The following ABCA5 variants were observed in gnomAD, a reference collection of about 807,000 sequenced individuals.
ABCA5 encodes the protein cholesterol transporter ABCA5.
Under a neutral mutation model 206.0 loss-of-function variants are expected in ABCA5, and 163 were observed. The ratio of observed to expected loss-of-function variants is 0.79; its 90% confidence interval spans 0.70 to 0.90. ABCA5 has a LOEUF of 0.90. Ranked by LOEUF, ABCA5 falls within the 40% of genes least tolerant of loss-of-function variation. The pLI, the probability that ABCA5 is intolerant of heterozygous loss-of-function variation, is 0.00. For synonymous variants in ABCA5, 609 were observed against 613.8 expected, an observed-to-expected ratio of 0.99 and a Z score of 0.11; for missense variants, 1,859 against 1,912.9, an observed-to-expected ratio of 0.97 and a Z score of 0.53.
chr17:69,299,215 G>T (rs763944949), intron 9 of ABCA5, among the ~76,000 whole-genome samples: 45 of 152,216 alleles, frequency 3.0e-4, no homozygotes, highest in Non-Finnish European at 5.7e-4. Context: ...CACTGTTGGT[G>T]GGAATGTAAA....
In ABCA5 at chr17:69,270,613, T is replaced by C. The variant is rs2075261678; in HGVS notation, c.3030A>G (p.Gln1010=). 1 of 1,585,990 alleles carries C rather than the reference T, an allele frequency of 6.3e-7. No individual in the cohort carries two copies. Among genetic ancestry groups the C allele is most frequent in the East Asian group, 2.3e-5 (1 of 43,636 alleles). ...TTTATCTGTATATACATTGGCTTAC[T>C]TGAAAGAATGGGGTACTCCAGATCT... ...TIQIWSTPFF[Q]EITDIVFKIE... Residue 1010 remains glutamine (Q), a splice_region_variant and synonymous_variant, in exon 22 of 39, where the codon CAA becomes CAG. Transcript: ENST00000392676.
chr17:69,259,540 T>C (rs2075122089), intron 28 of ABCA5, among the ~76,000 whole-genome samples, 166 bp downstream of exon 28: 1 of 151,998 alleles, frequency 6.6e-6, no homozygotes, highest in Admixed American at 6.6e-5. Context: ...GATTAGTGGT[T>C]ACCTAAGACT....
Position 69,314,308 on chromosome 17 carries a change from A to G in ABCA5, c.102+6T>C. ...AAAAAGCATAAGAAAGAGTTATTTA[A>G]CTTACCTGAACACTACTCTTTTTGG... On this transcript the variant is annotated splice_donor_region_variant and intron_variant, in intron 2 of 38. Coordinates refer to ENST00000392676, the MANE Select transcript of ABCA5 (RefSeq NM_172232.4). The G allele has an allele frequency of 6.3e-7, 1 of 1,589,188 alleles. No homozygotes were observed. The highest frequency in any genetic ancestry group is 2.2e-5 in the East Asian group (1 of 44,502).
At chr17:69,297,065 A>C in intron 10 of ABCA5, 126 bp downstream of exon 10, 3 of 885,964 alleles carry the variant, frequency 3.4e-6, no homozygotes, top group Non-Finnish European at 5.0e-6. Flanking sequence ...AGCCCTTATT[A>C]ATGTTTTAAA....
At chr17:69,301,379 G>T in intron 8 of ABCA5, 93 bp from the exon 9 acceptor site, 1 of 1,004,754 alleles carries the variant, frequency 1.0e-6, no homozygotes, top group Non-Finnish European at 1.4e-6. Flanking sequence ...TATCCAGAGT[G>T]ATAGTAACCA....
chr17:69,288,513 A>G (rs1399680364), intron 14 of ABCA5, among the ~76,000 whole-genome samples: 12 of 152,166 alleles, frequency 7.9e-5, no homozygotes, highest in African/African-American at 2.9e-4. Flanking sequence ...TATTATAGCT[A>G]CCATTCCAAT....
intron 18 of ABCA5, among the ~76,000 whole-genome samples, chr17:69,280,445 ACTAGTTCAAC>A (rs1168442326): frequency 1.3e-5 from 2 of 150,472 alleles, no homozygotes; most frequent in Non-Finnish European, 3.0e-5. Context: ...GGCACTGTAA[ACTAGTTCAAC>A]CATTGTGGAA....
At chr17:69,289,380 G>A in intron 13 of ABCA5, 84 bp from the exon 14 acceptor site, 1 of 1,051,276 alleles carries the variant, frequency 9.5e-7, no homozygotes, top group Non-Finnish European at 1.3e-6. Flanking sequence ...AATATTTTAA[G>A]TTTTAATGTG....
rs746947153 is a variant in ABCA5, at chr17:69,289,889, C to G, written c.1755G>C (p.Gly585=). The change falls in exon 13 of 39, where the codon GGG becomes GGC. Residue 585 remains glycine, a synonymous_variant. Coordinates refer to ENST00000392676, the MANE Select transcript of ABCA5 (RefSeq NM_172232.4). ...CTTGTATTATATTGTTGGCTGGTAT[C>G]CCTTTGATTGAAGCCAAAATTGATA... ...ENLSILASIK[G]IPANNIIQEV... is the part of the protein sequence containing the mutation. 6.2e-7 allele frequency: 1 copy of G among 1,610,332 alleles called. No homozygotes were observed. The highest frequency in any genetic ancestry group is 1.7e-5 in the Admixed American group (1 of 59,606).
At chr17:69,265,626 T>C (rs1262489882) in intron 23 of ABCA5, among the ~76,000 whole-genome samples, 1 of 152,102 alleles carries the variant, frequency 6.6e-6, no homozygotes, top group African/African-American at 2.4e-5. Context: ...AGGTATTATA[T>C]GAAAGAGCTG....
intron 1 of ABCA5, chr17:69,317,169 G>A (rs1412798290): frequency 6.6e-6 from 1 of 152,200 alleles, no homozygotes; most frequent in African/African-American, 2.4e-5. Context: ...AGCCAAGGCG[G>A]GTGGATCACT....
chr17:69,265,513 CATTTA>C (rs1439126274), intron 23 of ABCA5, among the ~76,000 whole-genome samples: 1 of 152,030 alleles, frequency 6.6e-6, no homozygotes, highest in Non-Finnish European at 1.5e-5. Context: ...CTCATGTTCT[CATTTA>C]ATTTGAAATT....
At position 69,314,423 on chromosome 17, in the gene ABCA5, G is replaced by A. The variant is rs780271692; in HGVS notation, c.-8C>T. 1.3e-6 allele frequency: 2 copies of A among 1,586,254 alleles called. No individual in the cohort carries two copies. The highest frequency in any genetic ancestry group is 1.7e-6 in the Non-Finnish European group (2 of 1,157,102). On this transcript the variant is annotated 5_prime_UTR_variant, in exon 2 of 39. Coordinates refer to ENST00000392676, the MANE Select transcript of ABCA5 (RefSeq NM_172232.4). ...CCTAATTGCAGTGGACATGTTTTCT[G>A]AATAAACCTATTAAAGAGGAAAAAC... is the stretch of plus-strand genomic sequence containing the variant.
rs368591764 is a variant in ABCA5, at chr17:69,302,649, G to A, written c.1119+69C>T. On this transcript the variant is annotated intron_variant, in intron 8 of 38. Transcript: ENST00000392676. Reference sequence around the variant, plus strand: ...TTGGTAAATCAAAGGTAGTATTCATGGTAGTATAAGAAGCTACATAAAACA... The same window carrying A: ...TTGGTAAATCAAAGGTAGTATTCATAGTAGTATAAGAAGCTACATAAAACA... 8.1e-6 allele frequency: 9 copies of A among 1,107,580 alleles called. No homozygotes were observed. In the East Asian group the frequency reaches 1.1e-4, roughly 14 times the overall value. 68.6% of individuals were successfully genotyped at this position (1,107,580 alleles called of 1,614,324 possible). A position where few individuals can be genotyped will look rare whatever the true frequency, so the allele number is the denominator to read the frequency against.
chr17:69,309,349 C>G lies in ABCA5; in HGVS notation c.382G>C (p.Gly128Arg), dbSNP rs1171199739. Residue 128 changes from glycine (G) to arginine (R), a missense_variant, in exon 4 of 39, where the codon GGT (glycine) becomes CGT (arginine). By Grantham distance (125) the Gly-to-Arg change is moderately radical (BLOSUM62 -2). Transcript: ENST00000392676. ...SSLSKPSNFV[G>R]VVFKDSMSYE... ...GACATGGAGTCTTTGAAAACCACAC[C>G]TACAAAGTTGCTCGGCTTAGAGAGA... 3 of 1,606,656 alleles carry G rather than the reference C, an allele frequency of 1.9e-6. No individual in the cohort carries two copies. Among genetic ancestry groups the G allele is most frequent in the East Asian group, 4.5e-5 (2 of 44,542 alleles).
Position 69,319,220 on chromosome 17 carries a change from C to A in ABCA5, c.-15-4790G>T, listed in dbSNP as rs187091540. ...TTGCTACAATACAAACATAGAAACACTAACCTAATGCAGCATGAACATTCT... is the reference window on the plus strand; with the variant it reads ...TTGCTACAATACAAACATAGAAACAATAACCTAATGCAGCATGAACATTCT... On this transcript the variant is annotated intron_variant, in intron 1 of 38. Transcript: ENST00000392676. 5.2e-3 allele frequency among the ~76,000 whole-genome samples: 787 copies of A among 151,164 alleles called. 13 individuals carry two copies. The highest frequency in any genetic ancestry group is 0.018 in the African/African-American group (726 of 40,458).
chr17:69,254,272 T>A (rs745648296), intron 32 of ABCA5, 43 bp downstream of exon 32: 1 of 1,492,734 alleles, frequency 6.7e-7, no homozygotes, highest in Admixed American at 2.1e-5. Context: ...AATGCAAACC[T>A]TTCCTCTAAG....
At position 69,264,881 on chromosome 17, in the gene ABCA5, G is replaced by C. The variant is rs1476361243; in HGVS notation, c.3169C>G (p.Leu1057Val). 1.1e-5 allele frequency: 17 copies of C among 1,550,822 alleles called. No individual in the cohort carries two copies. The highest frequency in any genetic ancestry group is 1.4e-5 in the Non-Finnish European group (16 of 1,153,146). ...TATGCAGATGGCAAAAGACCTGAAA[G>C]TTTAAGTTGAGTATAAGCTTTGATC... ...HKIKAYTQLK[L>V]SGLLPSAYWI... Residue 1057 changes from leucine to valine, a missense_variant, in exon 24 of 39, where the codon CTT becomes GTT. Coordinates refer to ENST00000392676, the MANE Select transcript of ABCA5 (RefSeq NM_172232.4).
chr17:69,308,383 A>C lies in ABCA5; in HGVS notation c.470-15T>G. 1 of 1,575,792 alleles carries C rather than the reference A, an allele frequency of 6.3e-7. No homozygotes were observed. The highest frequency in any genetic ancestry group is 8.7e-7 in the Non-Finnish European group (1 of 1,146,154). On this transcript the variant is annotated splice_polypyrimidine_tract_variant and intron_variant, in intron 4 of 38. Coordinates refer to ENST00000392676, the MANE Select transcript of ABCA5 (RefSeq NM_172232.4). ...TGAACAGCCAGCTATGGGGGGAAGAATATGAGATCTAAGATTCTGTACAAC... is the reference window on the plus strand; with the variant it reads ...TGAACAGCCAGCTATGGGGGGAAGACTATGAGATCTAAGATTCTGTACAAC...
Sources: gnomAD v4.1 joint callset for allele counts (sites outside exome capture counted in the v4.1 genomes callset) on GRCh38, gnomAD v4.1.1 for gene constraint, MANE v1.5 for transcripts, NCBI Gene and HGNC (gene_info 2026-07-23, HGNC 2026-07-21) for gene names.